MDGA2: variants seen among roughly 807,000 people sequenced by gnomAD.
MDGA2 encodes MAM domain containing glycosylphosphatidylinositol anchor 2.
MDGA2 carries 40 observed loss-of-function variants against 117.8 expected under a neutral mutation model. That is an observed-to-expected ratio of 0.34 (90% confidence interval 0.26 to 0.44). The LOEUF is 0.44. Ranked by LOEUF, MDGA2 falls within the 20% of genes least tolerant of loss-of-function variation. MDGA2 has a pLI of 1.00. For missense variants in MDGA2, 1,123 were observed against 1,250.6 expected, an observed-to-expected ratio of 0.90 and a Z score of 1.54; for synonymous variants, 452 against 439.0, an observed-to-expected ratio of 1.03 and a Z score of -0.37.
chr14:47,602,023 A>G (rs1444339520), intron 1 of MDGA2, among the ~76,000 whole-genome samples: 1 of 152,218 alleles, frequency 6.6e-6, no homozygotes, highest in Non-Finnish European at 1.5e-5. Context: ...AGAAACAATG[A>G]TACATTTATG....
intron 3 of MDGA2, among the ~76,000 whole-genome samples, chr14:47,154,580 G>C (rs1368336129): frequency 1.3e-5 from 2 of 152,180 alleles, no homozygotes; most frequent in African/African-American, 2.4e-5. Context: ...CCCAGCACTG[G>C]CTCCAATTTT....
chr14:47,332,828 T>C (rs1409766845), intron 1 of MDGA2, among the ~76,000 whole-genome samples: 6 of 151,796 alleles, frequency 4.0e-5, no homozygotes, highest in African/African-American at 9.7e-5. Context: ...ACCATTTGAG[T>C]TTCCAATAAC....
intron 1 of MDGA2, among the ~76,000 whole-genome samples, chr14:47,525,412 AC>A (rs1468218861): frequency 1.3e-5 from 2 of 152,164 alleles, no homozygotes; most frequent in Non-Finnish European, 2.9e-5. Flanking sequence ...CTGGCCAGGC[AC>A]AGTGGTTCAG....
At chr14:47,660,224 G>T (rs1897820170) in intron 1 of MDGA2, among the ~76,000 whole-genome samples, 1 of 152,102 alleles carries the variant, frequency 6.6e-6, no homozygotes, top group South Asian at 2.1e-4. Flanking sequence ...AATTTGAGGG[G>T]GGATGTTTAT....
At chr14:47,666,783 G>T (rs878965989) in intron 1 of MDGA2, among the ~76,000 whole-genome samples, 1 of 152,058 alleles carries the variant, frequency 6.6e-6, no homozygotes, top group Non-Finnish European at 1.5e-5. Flanking sequence ...CACTCTTTGG[G>T]TACACATTGC....
At chr14:47,466,807 T>A (rs565259620) in intron 1 of MDGA2, among the ~76,000 whole-genome samples, 2 of 151,682 alleles carry the variant, frequency 1.3e-5, no homozygotes, top group African/African-American at 4.9e-5. Context: ...GATAATATAT[T>A]ACTCTCATGT....
intron 9 of MDGA2, among the ~76,000 whole-genome samples, chr14:46,938,577 C>T (rs1884876941): frequency 1.0e-5 from 1 of 97,898 alleles, no homozygotes; most frequent in East Asian, 2.6e-4. Context: ...TCATCTGACC[C>T]CAATTAGAAC....
At chr14:47,291,847 A>G (rs1034680165) in intron 2 of MDGA2, among the ~76,000 whole-genome samples, 2 of 152,230 alleles carry the variant, frequency 1.3e-5, no homozygotes, top group Non-Finnish European at 1.5e-5. Context: ...TCTCTAGGTT[A>G]CCAAGACAAT....
At chr14:47,242,232 C>T (rs1887065478) in intron 2 of MDGA2, among the ~76,000 whole-genome samples, 1 of 151,938 alleles carries the variant, frequency 6.6e-6, no homozygotes, top group African/African-American at 2.4e-5. Context: ...AAAATATTGC[C>T]TTGCATAGAG....
At chr14:47,390,380 T>C (rs549123897) in intron 1 of MDGA2, among the ~76,000 whole-genome samples, 81 of 117,230 alleles carry the variant, frequency 6.9e-4, no homozygotes, top group Admixed American at 1.1e-3. Context: ...ACCCAATTCC[T>C]AAGGAAGAGT....
At chr14:46,988,059 A>G (rs1566561311) in intron 8 of MDGA2, among the ~76,000 whole-genome samples, 1 of 152,072 alleles carries the variant, frequency 6.6e-6, no homozygotes, top group Middle Eastern at 3.4e-3. Flanking sequence ...TAATATTATT[A>G]AAGTAAAATA....
rs550561277 is a variant in MDGA2 at position 46,974,820 on chromosome 14, G to A, written c.1820-17177C>T. On this transcript the variant is annotated intron_variant, in intron 8 of 16. Coordinates refer to ENST00000399232, the MANE Select transcript of MDGA2 (RefSeq NM_001113498.3). ...CATGGAATTTGGCAGTAATTTTTTG[G>A]GTATGACACTAAAGGCATGGATGAC... 2.5e-3 allele frequency among the ~76,000 whole-genome samples: 381 copies of A among 151,848 alleles called. 1 individual carries two copies. Among genetic ancestry groups the A allele is most frequent in the South Asian group, 0.023 (111 of 4,818 alleles).
intron 2 of MDGA2, among the ~76,000 whole-genome samples, chr14:47,290,284 G>A (rs1289376979): frequency 6.6e-6 from 1 of 151,974 alleles, no homozygotes; most frequent in Admixed American, 6.6e-5. Context: ...TTAAAAAGGA[G>A]ACCCTAGAGA....
intron 2 of MDGA2, among the ~76,000 whole-genome samples, chr14:47,250,455 A>G (rs1382513598): frequency 6.6e-6 from 1 of 152,246 alleles, no homozygotes; most frequent in East Asian, 1.9e-4. Flanking sequence ...GGTCATATGT[A>G]TAAACGTAAT....
intron 10 of MDGA2, among the ~76,000 whole-genome samples, chr14:46,903,478 G>A (rs1883371671): frequency 6.6e-6 from 1 of 152,080 alleles, no homozygotes; most frequent in African/African-American, 2.4e-5. Flanking sequence ...TGATTTAGAA[G>A]ACTTATGTTA....
At chr14:47,211,923 T>G (rs1885898132) in intron 3 of MDGA2, among the ~76,000 whole-genome samples, 1 of 152,160 alleles carries the variant, frequency 6.6e-6, no homozygotes, top group South Asian at 2.1e-4. Context: ...TTAAATGAAT[T>G]AAATTGTCAC....
chr14:46,865,056 G>C (rs1881692714), intron 14 of MDGA2, among the ~76,000 whole-genome samples: 1 of 151,956 alleles, frequency 6.6e-6, no homozygotes, highest in African/African-American at 2.4e-5. Context: ...TTTCCTATTT[G>C]AGAATATATT....
chr14:47,101,195 GAGAAAGAAAA>G (rs1555352803), intron 5 of MDGA2, among the ~76,000 whole-genome samples: 1 of 152,058 alleles, frequency 6.6e-6, no homozygotes, highest in Middle Eastern at 3.4e-3. Flanking sequence ...TAAGAGAAGA[GAGAAAGAAAA>G]GGAAAGAAAG....
intron 7 of MDGA2, among the ~76,000 whole-genome samples, chr14:47,037,562 A>T (rs1212377289): frequency 6.6e-6 from 1 of 152,218 alleles, no homozygotes; most frequent in Non-Finnish European, 1.5e-5. Flanking sequence ...GAAAGAGTAG[A>T]GATGAATGTG....
Sources: allele counts gnomAD v4.1 joint callset (sites outside exome capture counted in the v4.1 genomes callset), GRCh38; gene constraint gnomAD v4.1.1; transcripts MANE v1.5; gene names NCBI Gene and HGNC (gene_info 2026-07-23, HGNC 2026-07-21).